FANCA: variants seen among roughly 807,000 people sequenced by gnomAD.
FANCA encodes FA complementation group A, also known as Fanconi anemia group A protein.
Under a neutral mutation model 194.3 loss-of-function variants are expected in FANCA, and 236 were observed. That is an observed-to-expected ratio of 1.21 (90% CI 1.09 to 1.35). The LOEUF is 1.35. FANCA is among the 40% of genes most tolerant of loss of function. The pLI is 0.00. For synonymous variants in FANCA, 1,014 were observed against 715.8 expected, an observed-to-expected ratio of 1.42 and a Z score of -6.65; for missense variants, 2,628 against 1,813.9, an observed-to-expected ratio of 1.45 and a Z score of -8.15.
intron 29 of FANCA, among the ~76,000 whole-genome samples, chr16:89,758,978 T>C (rs2038853680): frequency 6.6e-6 from 1 of 152,078 alleles, no homozygotes; most frequent in Non-Finnish European, 1.5e-5. Context: ...ACGGGGTAAC[T>C]GCTGGCCACA....
At chr16:89,745,963 T>A (rs1453807553) in intron 35 of FANCA, among the ~76,000 whole-genome samples, 2 of 152,056 alleles carry the variant, frequency 1.3e-5, no homozygotes, top group Non-Finnish European at 2.9e-5. Flanking sequence ...CTTGGGGAGC[T>A]CCCTGGGGAA....
In FANCA at chr16:89,801,418, TCACTC is replaced by T. The variant is rs560643786; in HGVS notation, c.793-1785_793-1781del. On this transcript the variant is annotated intron_variant, in intron 8 of 42. Coordinates refer to ENST00000389301, the MANE Select transcript of FANCA (RefSeq NM_000135.4). ...GTCAAAGCCACAATGAGCTATTATT[TCACTC>T]CAGTTAGAATTATCATTATCAAGAA... Among the ~76,000 whole-genome samples, 145 of 151,994 alleles carry T rather than the reference TCACTC, an allele frequency of 9.5e-4. 1 individual carries two copies. The highest frequency in any genetic ancestry group is 1.2e-3 in the Admixed American group (19 of 15,276).
intron 20 of FANCA, among the ~76,000 whole-genome samples, 163 bp from the exon 21 acceptor site, chr16:89,775,978 T>C (rs1436232651): frequency 6.6e-6 from 1 of 151,588 alleles, no homozygotes; most frequent in Non-Finnish European, 1.5e-5. Flanking sequence ...TTAAAAAATA[T>C]ATATAGATTT....
intron 11 of FANCA, among the ~76,000 whole-genome samples, chr16:89,795,307 T>C (rs1281080289): frequency 6.7e-6 from 1 of 150,336 alleles, no homozygotes; most frequent in African/African-American, 2.4e-5. Context: ...AATAAATAAA[T>C]AAATAAATAA....
chr16:89,771,038 A>G (rs2039306291), intron 23 of FANCA, among the ~76,000 whole-genome samples: 1 of 151,702 alleles, frequency 6.6e-6, no homozygotes, highest in South Asian at 2.1e-4. Flanking sequence ...AGTGGTGTGC[A>G]CCTGTAATCC....
rs1567591243 is a variant in FANCA at position 89,738,715 on chromosome 16, G to A, written c.4261-7C>T. ...CCCCACGATCAGCCAGCAGCTGTGA[G>A]AGAGGAGCAGGTCCTCAGCCCATGC... On this transcript the variant is annotated splice_polypyrimidine_tract_variant and splice_region_variant and intron_variant, in intron 42 of 42. Transcript: ENST00000389301. 1 of 1,613,616 alleles carries A rather than the reference G, an allele frequency of 6.2e-7. No homozygotes were observed. The highest frequency in any genetic ancestry group is 1.7e-5 in the Admixed American group (1 of 59,966).
intron 3 of FANCA, among the ~76,000 whole-genome samples, chr16:89,812,758 G>A (rs1377137077): frequency 6.6e-6 from 1 of 151,704 alleles, no homozygotes; most frequent in African/African-American, 2.4e-5. Context: ...TTACAGGCTG[G>A]TTGCGGTGGC....
chr16:89,803,157 T>A, intron 8 of FANCA, 102 bp downstream of exon 8: 1 of 1,138,318 alleles, frequency 8.8e-7, no homozygotes, highest in Non-Finnish European at 1.3e-6. Context: ...CGTAAATAGG[T>A]ACAAACAGCA....
intron 13 of FANCA, 172 bp from the exon 14 acceptor site, chr16:89,791,708 C>A: frequency 9.7e-7 from 1 of 1,029,732 alleles, no homozygotes. Context: ...CACTAGAGAC[C>A]TGAATGAAGC....
intron 37 of FANCA, among the ~76,000 whole-genome samples, chr16:89,741,411 G>A (rs1303237373): frequency 6.6e-6 from 1 of 152,266 alleles, no homozygotes; most frequent in African/African-American, 2.4e-5. Context: ...CCTGGGCGCT[G>A]CTGTCGATCC....
chr16:89,779,823 T>C, intron 18 of FANCA, 46 bp downstream of exon 18: 1 of 1,537,258 alleles, frequency 6.5e-7, no homozygotes, highest in Non-Finnish European at 9.0e-7. Context: ...GAGCGCGGTC[T>C]GCACACACTG....
At chr16:89,780,750 G>A (rs1036962657) in intron 17 of FANCA, among the ~76,000 whole-genome samples, 8 of 151,892 alleles carry the variant, frequency 5.3e-5, no homozygotes, top group African/African-American at 1.9e-4. Context: ...GCCACACAGG[G>A]AGACCCTATG....
At chr16:89,752,623 TATG>T (rs2038635483) in intron 30 of FANCA, among the ~76,000 whole-genome samples, 1 of 152,230 alleles carries the variant, frequency 6.6e-6, no homozygotes. Flanking sequence ...ATTCCAATAT[TATG>T]ATAATCCTCA....
intron 15 of FANCA, among the ~76,000 whole-genome samples, chr16:89,784,039 T>C (rs969968712): frequency 6.6e-6 from 1 of 151,130 alleles, no homozygotes; most frequent in African/African-American, 2.4e-5. Flanking sequence ...GGGTTACAGG[T>C]GTGAGCCACC....
intron 20 of FANCA, among the ~76,000 whole-genome samples, chr16:89,776,820 G>C (rs1207262034): frequency 6.6e-6 from 1 of 151,912 alleles, no homozygotes; most frequent in Non-Finnish European, 1.5e-5. Flanking sequence ...GACAAACCGA[G>C]ACTCCGACTC....
intron 5 of FANCA, among the ~76,000 whole-genome samples, 198 bp from the exon 6 acceptor site, chr16:89,808,565 G>C (rs894788757): frequency 1.4e-4 from 22 of 152,020 alleles, no homozygotes; most frequent in African/African-American, 5.3e-4. Context: ...AAACTCCCTG[G>C]CCTTTGGGCA....
intron 3 of FANCA, among the ~76,000 whole-genome samples, chr16:89,814,095 C>T (rs961956986): frequency 1.3e-5 from 2 of 152,156 alleles, no homozygotes; most frequent in African/African-American, 2.4e-5. Flanking sequence ...CGTGAAGGAT[C>T]AGAAAATAAC....
chr16:89,756,805 C>T (rs1165898930), intron 30 of FANCA, among the ~76,000 whole-genome samples: 4 of 152,176 alleles, frequency 2.6e-5, no homozygotes, highest in African/African-American at 9.6e-5. Flanking sequence ...CAGACAGAAA[C>T]GTTTAAGGAC....
chr16:89,774,513 G>A (rs373135131), intron 21 of FANCA, among the ~76,000 whole-genome samples: 258 of 151,246 alleles, frequency 1.7e-3, no homozygotes, highest in African/African-American at 6.0e-3. Context: ...GGTGGATCAC[G>A]AGGTCAGGAG....
Sources: allele counts gnomAD v4.1 joint callset (sites outside exome capture counted in the v4.1 genomes callset), GRCh38; gene constraint gnomAD v4.1.1; transcripts MANE v1.5; gene names NCBI Gene and HGNC (gene_info 2026-07-23, HGNC 2026-07-21).